Variants in ABLIM1 observed in about 807,000 individuals in gnomAD.
ABLIM1 encodes the protein actin-binding LIM protein 1.
A neutral mutation model predicts 107.0 loss-of-function variants in ABLIM1; 40 were observed. That is an observed-to-expected ratio of 0.37 (90% confidence interval 0.29 to 0.49). The LOEUF (loss-of-function observed/expected upper bound fraction) is 0.49. ABLIM1 is among the 20% of genes least tolerant of loss of function. The pLI is 0.97. For missense variants in ABLIM1, 857 were observed against 1,008.5 expected (o/e 0.85, Z 2.04); for synonymous variants, 357 against 357.3 (o/e 1.00, Z 0.01).
chr10:114,456,187 T>C (rs1370788233), intron 12 of ABLIM1, among the ~76,000 whole-genome samples: 1 of 152,132 alleles, frequency 6.6e-6, no homozygotes, highest in Admixed American at 6.5e-5. Context: ...CCTAGAACAC[T>C]GATGAGGGGA....
rs1003125751 is a variant in ABLIM1 at position 114,690,353 on chromosome 10, G to A, written c.-213+77708C>T. Reference sequence around the variant, plus strand: ...GTCCAGCATTTGCCATGGACAAGATGCCAGGACCTGTATGCTTTAGGATGA... The same window carrying A: ...GTCCAGCATTTGCCATGGACAAGATACCAGGACCTGTATGCTTTAGGATGA... On this transcript the variant is annotated intron_variant, in intron 1 of 15. Coordinates refer to the ABLIM1 transcript ENST00000651092. 14 of 1,604,670 alleles carry A rather than the reference G, an allele frequency of 8.7e-6. No homozygotes were observed. The African/African-American group carries it at 9.4e-5, about 11-fold the overall frequency.
At position 114,652,422 on chromosome 10, in the gene ABLIM1, A is replaced by G. The variant is rs543190314; in HGVS notation, c.244+5535T>C. On this transcript the variant is annotated intron_variant, in intron 1 of 22. Transcript: ENST00000533213. ...GCTTTAAGAAACAATAATGTACCCAAGAGGTTCTCTCACTTACGTGATACC... is the reference window on the plus strand; with the variant it reads ...GCTTTAAGAAACAATAATGTACCCAGGAGGTTCTCTCACTTACGTGATACC... 3.2e-4 allele frequency among the ~76,000 whole-genome samples: 48 copies of G among 152,324 alleles called. 1 individual carries two copies. Among genetic ancestry groups the G allele is most frequent in the Middle Eastern group, 3.4e-3 (1 of 294 alleles).
At chr10:114,448,551 G>C (rs1301311885) in intron 14 of ABLIM1, among the ~76,000 whole-genome samples, 1 of 152,004 alleles carries the variant, frequency 6.6e-6, no homozygotes, top group African/African-American at 2.4e-5. Context: ...GAGGGTTGGC[G>C]GGCTTTGCAT....
At chr10:114,436,712 C>T (rs896917534) in intron 22 of ABLIM1, among the ~76,000 whole-genome samples, 1 of 152,104 alleles carries the variant, frequency 6.6e-6, no homozygotes, top group Non-Finnish European at 1.5e-5. Flanking sequence ...AATGGACTAT[C>T]GCAATAGAAA....
intron 1 of ABLIM1, among the ~76,000 whole-genome samples, chr10:114,727,648 T>G (rs1002325850): frequency 2.0e-5 from 3 of 152,204 alleles, no homozygotes; most frequent in Non-Finnish European, 4.4e-5. Context: ...TTAATAAAAT[T>G]GGCTATATTA....
At chr10:114,548,566 T>G (rs1038563935) in intron 4 of ABLIM1, among the ~76,000 whole-genome samples, 3 of 152,226 alleles carry the variant, frequency 2.0e-5, no homozygotes, top group African/African-American at 7.2e-5. Context: ...ATTTAATAGA[T>G]TTAGCAGTAG....
chr10:114,537,449 T>A (rs1298883113), intron 6 of ABLIM1, among the ~76,000 whole-genome samples: 1 of 152,208 alleles, frequency 6.6e-6, no homozygotes, highest in African/African-American at 2.4e-5. Flanking sequence ...AGTCTGCTAC[T>A]GAACATTGAA....
At chr10:114,702,748 C>G (rs1004124066) in intron 1 of ABLIM1, among the ~76,000 whole-genome samples, 11 of 151,908 alleles carry the variant, frequency 7.2e-5, no homozygotes, top group Non-Finnish European at 1.5e-4. Context: ...CTCCTGACCT[C>G]GTGATCTGCC....
At chr10:114,491,940 C>T (rs2059056389) in intron 6 of ABLIM1, 62 bp from the exon 7 acceptor site, 1 of 1,318,556 alleles carries the variant, frequency 7.6e-7, no homozygotes, top group Non-Finnish European at 1.1e-6. Context: ...AGAATCTTTT[C>T]TGGACTTGAT....
chr10:114,480,497 T>G (rs2057176438), intron 8 of ABLIM1, among the ~76,000 whole-genome samples: 1 of 152,218 alleles, frequency 6.6e-6, no homozygotes, highest in Non-Finnish European at 1.5e-5. Context: ...AACTCGAAAG[T>G]GCAGTTGGAG....
intron 1 of ABLIM1, chr10:114,632,361 C>G: frequency 1.0e-6 from 1 of 985,424 alleles, no homozygotes; most frequent in Non-Finnish European, 1.2e-6. Flanking sequence ...GAGGACCGAG[C>G]ACCAGCTAGA....
At chr10:114,752,803 G>A (rs1454558984) in intron 1 of ABLIM1, among the ~76,000 whole-genome samples, 1 of 152,114 alleles carries the variant, frequency 6.6e-6, no homozygotes, top group Non-Finnish European at 1.5e-5. Flanking sequence ...GTATTCCATG[G>A]TGTATATGTA....
chr10:114,753,074 G>A (rs1412630496), intron 1 of ABLIM1, among the ~76,000 whole-genome samples: 2 of 152,180 alleles, frequency 1.3e-5, no homozygotes, highest in Non-Finnish European at 2.9e-5. Flanking sequence ...TCCTGTAACA[G>A]GCAATGAGGT....
chr10:114,454,800 G>C (rs927644256), intron 12 of ABLIM1, among the ~76,000 whole-genome samples: 2 of 152,114 alleles, frequency 1.3e-5, no homozygotes, highest in Admixed American at 1.3e-4. Flanking sequence ...AAATTAGTAG[G>C]GGTAATGACT....
chr10:114,454,096 G>A (rs1358637793), intron 12 of ABLIM1, among the ~76,000 whole-genome samples: 2 of 152,114 alleles, frequency 1.3e-5, no homozygotes, highest in African/African-American at 2.4e-5. Context: ...GGTATTTCAC[G>A]ACCATTTATA....
At chr10:114,774,402 G>A in the ABLIM1 span, among the ~76,000 whole-genome samples, 37 of 152,098 alleles carry the variant, frequency 2.4e-4, no homozygotes, top group Non-Finnish European at 1.8e-4. Flanking sequence ...ACTGAGTTTA[G>A]GAGAAAACAA....
chr10:114,772,056 C>A (rs1030249420), upstream of ABLIM1, among the ~76,000 whole-genome samples: 2 of 152,104 alleles, frequency 1.3e-5, no homozygotes, highest in African/African-American at 4.8e-5. Context: ...ATTCTTCTTT[C>A]TGCATAACTT....
At chr10:114,606,447 G>C (rs2140114719) in intron 1 of ABLIM1, among the ~76,000 whole-genome samples, 1 of 152,216 alleles carries the variant, frequency 6.6e-6, no homozygotes, top group African/African-American at 2.4e-5. Context: ...TGTTGGCCAG[G>C]ATGGTCTTGA....
chr10:114,675,903 T>C (rs1341160971), intron 1 of ABLIM1, among the ~76,000 whole-genome samples: 1 of 152,224 alleles, frequency 6.6e-6, no homozygotes, highest in Non-Finnish European at 1.5e-5. Flanking sequence ...TGTGTCTTTA[T>C]GCCATTTTTA....
Sources: gnomAD v4.1 joint callset for allele counts (sites outside exome capture counted in the v4.1 genomes callset) on GRCh38, gnomAD v4.1.1 for gene constraint, MANE v1.5 for transcripts, NCBI Gene and HGNC (gene_info 2026-07-23, HGNC 2026-07-21) for gene names.